The following CHORDC1 variants were observed in gnomAD, a reference collection of about 807,000 sequenced individuals.
CHORDC1 encodes the protein cysteine and histidine rich domain containing 1.
CHORDC1 carries 25 observed loss-of-function variants against 48.3 expected under a neutral mutation model. The ratio of observed to expected loss-of-function variants is 0.52; its 90% CI spans 0.38 to 0.72. The LOEUF (loss-of-function observed/expected upper bound fraction) is 0.72. CHORDC1 is among the 30% of genes least tolerant of loss of function. CHORDC1 has a pLI of 0.00. For missense variants in CHORDC1, 317 were observed against 388.7 expected (o/e 0.82, Z 1.55); for synonymous variants, 128 against 126.4 (o/e 1.01, Z -0.09).
chr11:90,219,064 G>A (rs780108794), intron 1 of CHORDC1, among the ~76,000 whole-genome samples: 11 of 151,726 alleles, frequency 7.2e-5, no homozygotes, highest in East Asian at 1.9e-4. Context: ...TCAGGAGTAC[G>A]AGACCAGCCT....
chr11:90,206,634 A>G (rs1481489277), intron 6 of CHORDC1: 2 of 421,080 alleles, frequency 4.7e-6, no homozygotes, highest in Admixed American at 3.6e-5. Flanking sequence ...TTATGTGTAC[A>G]GTAAACTCCA....
At chr11:90,203,115 C>T (rs555769320) in intron 9 of CHORDC1, among the ~76,000 whole-genome samples, 193 bp downstream of exon 9, 1 of 152,134 alleles carries the variant, frequency 6.6e-6, no homozygotes, top group African/African-American at 2.4e-5. Context: ...CAGAATGGTT[C>T]AGCAGTAAGT....
At chr11:90,211,470 T>C in intron 4 of CHORDC1, 152 bp from the exon 5 acceptor site, 1 of 582,148 alleles carries the variant, frequency 1.7e-6, no homozygotes, top group Non-Finnish European at 3.1e-6. Flanking sequence ...TTATAAATAA[T>C]TGTTACAATG....
chr11:90,204,933 A>T (rs1324830487), intron 8 of CHORDC1, among the ~76,000 whole-genome samples: 1 of 152,018 alleles, frequency 6.6e-6, no homozygotes, highest in Non-Finnish European at 1.5e-5. Flanking sequence ...GGGAAGTAGG[A>T]AATGATGCTT....
chr11:90,220,912 CTAGAATAAGTGTTTAACAT>C (rs2135059966), intron 1 of CHORDC1, among the ~76,000 whole-genome samples: 1 of 151,984 alleles, frequency 6.6e-6, no homozygotes, highest in African/African-American at 2.4e-5. Flanking sequence ...TGTGTTTATT[CTAGAATAAGTGTTTAACAT>C]ATGTAAGTTA....
Position 90,214,090 on chromosome 11 carries a change from C to G in CHORDC1, c.257G>C (p.Cys86Ser), listed in dbSNP as rs3203993. The G allele has an allele frequency of 2.5e-6, 4 of 1,613,572 alleles. No homozygotes were observed. The highest frequency in any genetic ancestry group is 3.4e-6 in the Non-Finnish European group (4 of 1,179,602). Residue 86 changes from cysteine to serine, a missense_variant, in exon 4 of 11, where the codon TGT (cysteine) becomes TCT (serine). Coordinates refer to ENST00000320585, the MANE Select transcript of CHORDC1 (RefSeq NM_012124.3). ...EVKTTEKKEL[C>S]ELKPKFQEHI... ...TTCCTGAAATTTGGGTTTTAATTCACATAGCTCCTTCTTCTCAGTAGTCTT... is the reference window on the plus strand; with the variant it reads ...TTCCTGAAATTTGGGTTTTAATTCAGATAGCTCCTTCTTCTCAGTAGTCTT...
intron 2 of CHORDC1, 88 bp from the exon 3 acceptor site, chr11:90,215,318 G>T: frequency 1.3e-6 from 1 of 790,654 alleles, no homozygotes; most frequent in Non-Finnish European, 2.0e-6. Flanking sequence ...TTATCTACTT[G>T]AATCCTGCAG....
intron 1 of CHORDC1, among the ~76,000 whole-genome samples, chr11:90,218,586 G>C (rs1858078689): frequency 6.6e-6 from 1 of 152,198 alleles, no homozygotes; most frequent in African/African-American, 2.4e-5. Flanking sequence ...TTTCACAAGA[G>C]ATTCCCTTAA....
chr11:90,206,193 A>T lies in CHORDC1; in HGVS notation c.563+9T>A. The T allele has an allele frequency of 2.1e-6, 3 of 1,453,566 alleles. No individual in the cohort carries two copies. Among genetic ancestry groups the T allele is most frequent in the Non-Finnish European group, 1.9e-6 (2 of 1,034,642 alleles). The allele number at this position is 1,453,566 out of a possible 1,614,324, so 90.0% of individuals were successfully genotyped here. On this transcript the variant is annotated intron_variant, in intron 7 of 10. Transcript: ENST00000320585. ...CATAAACTATTTTAATAAGTCATGCATAAGTTACCCCTCATGGAAAATAGG... is the reference window on the plus strand; with the variant it reads ...CATAAACTATTTTAATAAGTCATGCTTAAGTTACCCCTCATGGAAAATAGG...
chr11:90,209,460 C>T (rs750472565), intron 6 of CHORDC1: 4 of 152,124 alleles, frequency 2.6e-5, no homozygotes, highest in Non-Finnish European at 5.9e-5. Context: ...CAAATTCTAT[C>T]ATTCATTCTA....
At chr11:90,207,142 T>G in intron 6 of CHORDC1, 1 of 186,172 alleles carries the variant, frequency 5.4e-6, no homozygotes, top group Non-Finnish European at 1.1e-5. Flanking sequence ...CCTCCACCCA[T>G]AGGCAGTCTA....
chr11:90,222,865 G>A, intron 1 of CHORDC1, 26 bp downstream of exon 1: 1 of 1,607,256 alleles, frequency 6.2e-7, no homozygotes, highest in Non-Finnish European at 8.5e-7. Context: ...GGAGGGGAGG[G>A]AGGGCTGGCG....
intron 1 of CHORDC1, among the ~76,000 whole-genome samples, chr11:90,221,994 A>G (rs2135062187): frequency 6.6e-6 from 1 of 152,330 alleles, no homozygotes; most frequent in Non-Finnish European, 1.5e-5. Context: ...TGAAGATTAA[A>G]TAAGATAAAG....
Position 90,215,108 on chromosome 11 carries a change from A to C in CHORDC1, c.171+66T>G, listed in dbSNP as rs910158243. On this transcript the variant is annotated intron_variant, in intron 3 of 10. Coordinates refer to ENST00000320585, the MANE Select transcript of CHORDC1 (RefSeq NM_012124.3). ...ATCTATATCAGAAATCAGACTCCTCAAATCTGAAGCTTTCTATAACATGTA... is the reference window on the plus strand; with the variant it reads ...ATCTATATCAGAAATCAGACTCCTCCAATCTGAAGCTTTCTATAACATGTA... The C allele has an allele frequency of 3.5e-5, 34 of 961,530 alleles. No homozygotes were observed. In the African/African-American group the frequency reaches 5.4e-4, roughly 15 times the overall value. 59.6% of individuals were successfully genotyped at this position (961,530 alleles called of 1,614,324 possible). A position where few individuals can be genotyped will look rare whatever the true frequency, so the allele number is the denominator to read the frequency against.
intron 6 of CHORDC1, chr11:90,208,042 A>G (rs375726163): frequency 6.6e-6 from 1 of 151,234 alleles, no homozygotes; most frequent in Non-Finnish European, 1.5e-5. Context: ...GAACTAACTG[A>G]TAAGTATAAT....
intron 5 of CHORDC1, 67 bp from the exon 6 acceptor site, chr11:90,210,661 A>G (rs987358283): frequency 1.0e-4 from 104 of 1,008,648 alleles, no homozygotes; most frequent in Non-Finnish European, 1.4e-4. Flanking sequence ...ATCATTCTTA[A>G]AAACTAGGTT....
Position 90,205,557 on chromosome 11 carries a change from T to C in CHORDC1, c.572A>G (p.Tyr191Cys), listed in dbSNP as rs747577808. 3.2e-6 allele frequency: 5 copies of C among 1,563,478 alleles called. No homozygotes were observed. In the Admixed American group the frequency reaches 7.9e-5, roughly 25 times the overall value. Residue 191 changes from tyrosine (Y) to cysteine (C), a missense_variant, in exon 8 of 11, where the codon TAC becomes TGC. Transcript: ENST00000320585. The stretch of plus-strand genomic sequence containing the variant: ...AGTTTTTCTTCTACAACAGCTCCAG[T>C]ATTTCATCCTTTAAATTATCACAGA... ...GVPIFHEGMK[Y>C]WSCCRRKTSD...
intron 8 of CHORDC1, among the ~76,000 whole-genome samples, chr11:90,204,403 A>C (rs1290007684): frequency 1.3e-5 from 2 of 151,606 alleles, no homozygotes; most frequent in Non-Finnish European, 2.9e-5. Context: ...GGGTATTTTT[A>C]TAATATCCAA....
At chr11:90,214,292 A>G in intron 3 of CHORDC1, 117 bp from the exon 4 acceptor site, 1 of 811,482 alleles carries the variant, frequency 1.2e-6, no homozygotes. Context: ...CAGTTTCAAT[A>G]CATTGATTTT....
Sources: allele counts gnomAD v4.1 joint callset (sites outside exome capture counted in the v4.1 genomes callset), GRCh38; gene constraint gnomAD v4.1.1; transcripts MANE v1.5; gene names NCBI Gene and HGNC (gene_info 2026-07-23, HGNC 2026-07-21).